Variants in CHST15 observed in about 807,000 individuals in gnomAD.
CHST15 encodes B cell RAG associated protein (GALNAC4S-6ST).
Under a neutral mutation model 53.6 loss-of-function variants are expected in CHST15, and 30 were observed. That is an observed-to-expected ratio of 0.56 (90% CI 0.42 to 0.76). The LOEUF is 0.76. Among genes scored for constraint, CHST15 ranks in the 30% least tolerant of loss-of-function variants. The pLI, the probability that CHST15 is intolerant of heterozygous loss-of-function variation, is 0.00. For synonymous variants in CHST15, 296 were observed against 289.8 expected (o/e 1.02, Z -0.22); for missense variants, 627 against 740.5 (o/e 0.85, Z 1.78).
At chr10:124,065,984 C>A (rs1056102036) in intron 1 of CHST15, among the ~76,000 whole-genome samples, 1 of 152,244 alleles carries the variant, frequency 6.6e-6, no homozygotes, top group South Asian at 2.1e-4. Flanking sequence ...AACTTGGAAA[C>A]GTTTCAAAAG....
chr10:124,023,112 C>G (rs1946852614), intron 5 of CHST15, among the ~76,000 whole-genome samples: 1 of 152,084 alleles, frequency 6.6e-6, no homozygotes, highest in African/African-American at 2.4e-5. Flanking sequence ...TTCGGAGTCT[C>G]TCTCCTCTAC....
intron 5 of CHST15, among the ~76,000 whole-genome samples, chr10:124,033,163 T>C (rs1274297856): frequency 6.6e-6 from 1 of 152,262 alleles, no homozygotes; most frequent in East Asian, 1.9e-4. Flanking sequence ...ACAGTATTTA[T>C]CATCCTTTCT....
intron 5 of CHST15, among the ~76,000 whole-genome samples, chr10:124,031,742 G>A (rs540976372): frequency 2.0e-5 from 3 of 152,114 alleles, no homozygotes; most frequent in Admixed American, 6.5e-5. Flanking sequence ...GTTTAAACAC[G>A]TTACTACAAA....
At position 124,027,017 on chromosome 10, in the gene CHST15, C is replaced by T. The variant is rs186643357; in HGVS notation, c.1191-5605G>A. Among the ~76,000 whole-genome samples the T allele has an allele frequency of 1.7e-3, 260 of 152,282 alleles. 3 individuals carry two copies. Among genetic ancestry groups the T allele is most frequent in the Non-Finnish European group, 2.4e-4 (16 of 68,014 alleles). ...CCCAGCCCTGAGTTTCAGGGCTGCC[C>T]AGCCCCCTCCAGCTGAGCCACCTCA... On this transcript the variant is annotated intron_variant, in intron 5 of 7. Transcript: ENST00000435907.
intron 7 of CHST15, chr10:124,011,127 G>T: frequency 1.0e-6 from 1 of 975,272 alleles, no homozygotes. Flanking sequence ...CCCTGAAACA[G>T]AACAGCAAGG....
chr10:124,075,315 C>T (rs944588729), intron 1 of CHST15, among the ~76,000 whole-genome samples: 23 of 152,202 alleles, frequency 1.5e-4, no homozygotes, highest in Non-Finnish European at 1.3e-4. Flanking sequence ...ATGGGAGTAG[C>T]TTTGGCCTCC....
At chr10:124,041,546 C>T (rs902941534) in intron 4 of CHST15, among the ~76,000 whole-genome samples, 12 of 152,106 alleles carry the variant, frequency 7.9e-5, no homozygotes, top group Non-Finnish European at 1.6e-4. Flanking sequence ...ACACACGCCC[C>T]CCTCCCCACA....
intron 1 of CHST15, among the ~76,000 whole-genome samples, chr10:124,090,620 G>A (rs923755353): frequency 1.3e-5 from 2 of 152,242 alleles, no homozygotes; most frequent in Non-Finnish European, 2.9e-5. Flanking sequence ...TTCCAGGCAT[G>A]TGAAAAATCA....
intron 6 of CHST15, among the ~76,000 whole-genome samples, chr10:124,017,471 G>A (rs904019094): frequency 1.3e-4 from 20 of 152,002 alleles, no homozygotes; most frequent in Non-Finnish European, 1.3e-4. Context: ...TGAGAGTCAC[G>A]CAGGATCACC....
At chr10:124,017,865 C>T (rs1388855701) in intron 6 of CHST15, among the ~76,000 whole-genome samples, 1 of 152,218 alleles carries the variant, frequency 6.6e-6, no homozygotes, top group Non-Finnish European at 1.5e-5. Context: ...TCCATCACTT[C>T]CCATCCGTAC....
chr10:124,023,531 G>A (rs1946872872), intron 5 of CHST15, among the ~76,000 whole-genome samples: 1 of 151,514 alleles, frequency 6.6e-6, no homozygotes, highest in African/African-American at 2.4e-5. Flanking sequence ...GAACATTCAG[G>A]GTGTGAGTTT....
intron 1 of CHST15, among the ~76,000 whole-genome samples, chr10:124,068,035 T>A (rs1369762804): frequency 6.6e-6 from 1 of 152,204 alleles, no homozygotes; most frequent in African/African-American, 2.4e-5. Context: ...AGATACGTAA[T>A]GTCAAACTAC....
intron 1 of CHST15, among the ~76,000 whole-genome samples, chr10:124,076,606 C>A (rs1220817965): frequency 6.6e-6 from 1 of 152,268 alleles, no homozygotes; most frequent in Non-Finnish European, 1.5e-5. Context: ...GATCCCAGAG[C>A]CAACTCCAAG....
chr10:124,035,393 TAACA>T (rs1187218574), intron 5 of CHST15, among the ~76,000 whole-genome samples: 1 of 141,796 alleles, frequency 7.1e-6, no homozygotes, highest in Non-Finnish European at 1.5e-5. Flanking sequence ...CTCCGCCCCC[TAACA>T]GAGACCCTGG....
Position 124,010,164 on chromosome 10 carries a change from C to T in CHST15, c.1671G>A (p.Ala557=). Residue 557 remains alanine, a synonymous_variant, in exon 8 of 8, where the codon GCG becomes GCA. Coordinates refer to ENST00000435907, the MANE Select transcript of CHST15 (RefSeq NM_001270764.2). ...AATTCAGCTCTCACGTCGTCTTCCA[C>T]GCAAACGCCTCATCCGCGAGGACCT... ...LAQVLADEAF[A]WKTT The T allele has an allele frequency of 2.5e-6, 4 of 1,613,040 alleles. No homozygotes were observed. Among genetic ancestry groups the T allele is most frequent in the Non-Finnish European group, 2.5e-6 (3 of 1,180,040 alleles).
intron 1 of CHST15, among the ~76,000 whole-genome samples, chr10:124,065,511 C>T (rs1948726114): frequency 6.6e-6 from 1 of 152,210 alleles, no homozygotes; most frequent in South Asian, 2.1e-4. Context: ...GTCACCCAAC[C>T]CTGCTGTGGG....
intron 1 of CHST15, among the ~76,000 whole-genome samples, chr10:124,087,527 T>TTCC (rs1185298732): frequency 2.0e-5 from 3 of 152,192 alleles, no homozygotes; most frequent in African/African-American, 7.2e-5. Flanking sequence ...GACTGTCTGT[T>TTCC]TCAATATTTT....
chr10:124,009,579 C>G lies in CHST15; in HGVS notation c.*570G>C. Reference sequence around the variant, plus strand: ...AAGAGCCTCCATTCTCGAAAGACTGCGGTTCTCTGTCCCAGTGAGGTTAGC... The same window carrying G: ...AAGAGCCTCCATTCTCGAAAGACTGGGGTTCTCTGTCCCAGTGAGGTTAGC... On this transcript the variant is annotated 3_prime_UTR_variant, in exon 8 of 8. Transcript: ENST00000435907. 6.1e-6 allele frequency: 6 copies of G among 988,816 alleles called. No homozygotes were observed. The highest frequency in any genetic ancestry group is 7.2e-6 in the Non-Finnish European group (6 of 831,864). The allele number at this position is 988,816 out of a possible 1,614,324, so 61.3% of individuals were successfully genotyped here.
intron 1 of CHST15, among the ~76,000 whole-genome samples, chr10:124,093,214 C>T (rs1184220749): frequency 1.3e-5 from 2 of 152,052 alleles, no homozygotes; most frequent in Non-Finnish European, 2.9e-5. Context: ...TGCCTCGGCT[C>T]GTCGAGCTCG....
Sources: allele counts gnomAD v4.1 joint callset (sites outside exome capture counted in the v4.1 genomes callset), GRCh38; gene constraint gnomAD v4.1.1; transcripts MANE v1.5; gene names NCBI Gene and HGNC (gene_info 2026-07-23, HGNC 2026-07-21).